The following POU2F1 variants were observed in gnomAD, a reference collection of about 807,000 sequenced individuals.
POU2F1 encodes POU class 2 homeobox 1, also known as POU domain, class 2, transcription factor 1.
In POU2F1, 16 loss-of-function variants were observed where a neutral mutation model predicts 84.9. The ratio of observed to expected loss-of-function variants is 0.19; its 90% CI spans 0.13 to 0.29. POU2F1 has a LOEUF of 0.29. Among genes scored for constraint, POU2F1 ranks in the 10% least tolerant of loss-of-function variants. POU2F1 has a pLI of 1.00. For synonymous variants in POU2F1, 368 were observed against 368.3 expected, an observed-to-expected ratio of 1.00 and a Z score of 0.01; for missense variants, 738 against 942.6, an observed-to-expected ratio of 0.78 and a Z score of 2.84.
chr1:167,263,419 T>G (rs1433699995), intron 1 of POU2F1, among the ~76,000 whole-genome samples: 4 of 150,416 alleles, frequency 2.7e-5, no homozygotes, highest in Admixed American at 6.6e-5. Flanking sequence ...ACTCAGGGGG[T>G]TGAGACAGAA....
intron 13 of POU2F1, among the ~76,000 whole-genome samples, chr1:167,405,383 A>T (rs922430621): frequency 6.6e-6 from 1 of 152,174 alleles, no homozygotes; most frequent in African/African-American, 2.4e-5. Context: ...CACGTTAAAA[A>T]AAAAAAAATT....
intron 2 of POU2F1, among the ~76,000 whole-genome samples, chr1:167,351,473 C>G (rs1327642175): frequency 1.4e-5 from 2 of 137,940 alleles, no homozygotes; most frequent in Non-Finnish European, 3.0e-5. Context: ...GAGCCGAGAT[C>G]GCGCCACTGC....
In POU2F1 at chr1:167,415,838, C is replaced by G. The variant is rs374454199; in HGVS notation, c.*28C>G. 6 of 1,569,762 alleles carry G rather than the reference C, an allele frequency of 3.8e-6. No individual in the cohort carries two copies. The highest frequency in any genetic ancestry group is 5.2e-6 in the Non-Finnish European group (6 of 1,154,154). On this transcript the variant is annotated 3_prime_UTR_variant, in exon 16 of 16. Transcript: ENST00000367866. The stretch of plus-strand genomic sequence containing the variant: ...TGGGCAGAGCTGGGCTGCCAGAAGC[C>G]TTTTTCACTCTGCAGTGTGATTGGA...
chr1:167,424,275 C>T lies in POU2F1; in HGVS notation c.*8465C>T, dbSNP rs1650816864. The T allele has an allele frequency of 6.6e-6, 1 of 152,218 alleles. No homozygotes were observed. The highest frequency in any genetic ancestry group is 1.5e-5 in the Non-Finnish European group (1 of 68,050). The allele number at this position is 152,218 out of a possible 1,614,324, so 9.4% of individuals were successfully genotyped here. ...TTTTGCAATCATATTATAACATTGG[C>T]TTTTGACAACATAAATGTTGTATCT... is the stretch of plus-strand genomic sequence containing the variant. On this transcript the variant is annotated 3_prime_UTR_variant, in exon 16 of 16. Transcript: ENST00000367866.
intron 1 of POU2F1, among the ~76,000 whole-genome samples, chr1:167,322,838 C>A (rs1656419569): frequency 6.6e-6 from 1 of 152,236 alleles, no homozygotes; most frequent in Non-Finnish European, 1.5e-5. Context: ...GGCTGGTTAT[C>A]TGCAGCAGGA....
chr1:167,320,549 C>T (rs2102630841), intron 1 of POU2F1, among the ~76,000 whole-genome samples: 1 of 152,214 alleles, frequency 6.6e-6, no homozygotes, highest in African/African-American at 2.4e-5. Flanking sequence ...GTAAGAGGGA[C>T]AATAATTTTT....
chr1:167,359,994 G>T (rs12753182), intron 2 of POU2F1, among the ~76,000 whole-genome samples: 3 of 151,812 alleles, frequency 2.0e-5, no homozygotes, highest in Non-Finnish European at 2.9e-5. Flanking sequence ...CTTTTGAGAC[G>T]TGTCTGTCTT....
Position 167,399,313 on chromosome 1 carries a change from G to C in POU2F1, c.1397G>C (p.Gly466Ala). 1 of 1,614,120 alleles carries C rather than the reference G, an allele frequency of 6.2e-7. No individual in the cohort carries two copies. Among genetic ancestry groups the C allele is most frequent in the Non-Finnish European group, 8.5e-7 (1 of 1,179,994 alleles). ...KEKRINPPSS[G>A]GTSSSPIKAI... Reference sequence around the variant, plus strand: ...AAAAGAATCAACCCACCAAGCAGTGGTGGGACCAGCAGCTCACCTATTAAA... The same window carrying C: ...AAAAGAATCAACCCACCAAGCAGTGCTGGGACCAGCAGCTCACCTATTAAA... The change falls in exon 12 of 16, where the codon GGT becomes GCT. Residue 466 changes from glycine to alanine, a missense_variant. Around this residue, in one of 4 missense-constraint regions of POU2F1, gnomAD observed 319 missense variants for 386.0 expected, o/e 0.83. Coordinates refer to ENST00000367866, the MANE Select transcript of POU2F1 (RefSeq NM_002697.4).
intron 2 of POU2F1, among the ~76,000 whole-genome samples, chr1:167,334,820 ATTCTT>A (rs1482969831): frequency 2.6e-5 from 4 of 152,216 alleles, no homozygotes; most frequent in Non-Finnish European, 4.4e-5. Flanking sequence ...TTAGTTAACT[ATTCTT>A]TTTTTGGTAG....
chr1:167,314,250 A>G (rs2102611072), intron 1 of POU2F1, among the ~76,000 whole-genome samples: 1 of 152,224 alleles, frequency 6.6e-6, no homozygotes, highest in South Asian at 2.1e-4. Context: ...ATGTCACTGA[A>G]GAGGCTGTAT....
intron 7 of POU2F1, among the ~76,000 whole-genome samples, chr1:167,381,581 T>G (rs1197424446): frequency 2.0e-5 from 3 of 151,596 alleles, no homozygotes; most frequent in African/African-American, 7.3e-5. Context: ...GAACTTCATT[T>G]CTGACCTTTG....
intron 8 of POU2F1, among the ~76,000 whole-genome samples, chr1:167,389,296 T>C (rs1014676468): frequency 6.6e-6 from 1 of 152,224 alleles, no homozygotes; most frequent in Non-Finnish European, 1.5e-5. Flanking sequence ...ACATAAGATA[T>C]ATGTATTCAG....
chr1:167,225,885 A>G (rs1299152126), intron 1 of POU2F1, among the ~76,000 whole-genome samples: 1 of 152,186 alleles, frequency 6.6e-6, no homozygotes, highest in Non-Finnish European at 1.5e-5. Context: ...TAGTCTTTCA[A>G]GCACCATTAA....
chr1:167,321,912 A>G (rs1656339248), intron 1 of POU2F1, among the ~76,000 whole-genome samples: 1 of 152,172 alleles, frequency 6.6e-6, no homozygotes, highest in Non-Finnish European at 1.5e-5. Context: ...TCTCTCCCCA[A>G]TAAATTTATA....
intron 1 of POU2F1, chr1:167,329,298 A>G (rs552794913): frequency 1.8e-4 from 281 of 1,548,908 alleles, no homozygotes; most frequent in Middle Eastern, 3.3e-4. Context: ...TGCAGTGACT[A>G]TGTTCTAGGT....
chr1:167,252,904 A>G (rs1449823317), intron 1 of POU2F1, among the ~76,000 whole-genome samples: 1 of 152,206 alleles, frequency 6.6e-6, no homozygotes, highest in Non-Finnish European at 1.5e-5. Context: ...TGTTATTTCT[A>G]TGCCCAAAGA....
intron 1 of POU2F1, among the ~76,000 whole-genome samples, chr1:167,281,222 G>C (rs537317026): frequency 6.6e-6 from 1 of 152,136 alleles, no homozygotes; most frequent in Non-Finnish European, 1.5e-5. Context: ...TATTTAAAGC[G>C]TCTTATTCTG....
At chr1:167,273,811 A>G (rs1297554813) in intron 1 of POU2F1, among the ~76,000 whole-genome samples, 1 of 152,324 alleles carries the variant, frequency 6.6e-6, no homozygotes, top group Non-Finnish European at 1.5e-5. Flanking sequence ...TTCCCCTCTC[A>G]TCAGCTTCAT....
At chr1:167,267,715 C>G (rs535874790) in intron 1 of POU2F1, among the ~76,000 whole-genome samples, 5 of 131,168 alleles carry the variant, frequency 3.8e-5, no homozygotes, top group African/African-American at 1.4e-4. Context: ...GATCTTGACT[C>G]ACTGCAAGCT....
Sources: gnomAD v4.1 joint callset for allele counts (sites outside exome capture counted in the v4.1 genomes callset) on GRCh38, gnomAD v4.1.1 for gene constraint, gnomAD v4.1.1 regional missense constraint, MANE v1.5 for transcripts, NCBI Gene and HGNC (gene_info 2026-07-23, HGNC 2026-07-21) for gene names.